The following INPP4B variants were observed in gnomAD, a reference collection of about 807,000 sequenced individuals.
INPP4B encodes inositol polyphosphate 4-phosphatase type II.
A neutral mutation model predicts 122.5 loss-of-function variants in INPP4B; 55 were observed. The ratio of observed to expected loss-of-function variants is 0.45; its 90% CI spans 0.36 to 0.56. The LOEUF is 0.56. INPP4B is among the 20% of genes least tolerant of loss of function. The probability of loss-of-function intolerance (pLI) is 0.00; values close to 1 mark genes in which losing one functional copy is unlikely to be tolerated. For missense variants in INPP4B, 1,000 were observed against 1,097.7 expected, an observed-to-expected ratio of 0.91 and a Z score of 1.26; for synonymous variants, 403 against 388.7, an observed-to-expected ratio of 1.04 and a Z score of -0.43.
intron 15 of INPP4B, among the ~76,000 whole-genome samples, chr4:142,189,030 T>C (rs927649859): frequency 2.0e-5 from 3 of 152,354 alleles, no homozygotes; most frequent in African/African-American, 4.8e-5. Flanking sequence ...TTGCCTGATA[T>C]GATTTTCCCC....
chr4:142,086,002 T>G (rs972449547), intron 24 of INPP4B, 142 bp downstream of exon 24: 3 of 652,226 alleles, frequency 4.6e-6, no homozygotes, highest in African/African-American at 1.9e-5. Flanking sequence ...CCAACAAGAG[T>G]AAAAATGCCT....
intron 1 of INPP4B, among the ~76,000 whole-genome samples, chr4:142,800,032 A>G (rs1328971347): frequency 6.6e-6 from 1 of 152,130 alleles, no homozygotes; most frequent in African/African-American, 2.4e-5. Context: ...CAATAAATTT[A>G]GACTATAGAA....
chr4:142,234,433 T>C (rs1395406391), intron 12 of INPP4B, among the ~76,000 whole-genome samples: 1 of 152,208 alleles, frequency 6.6e-6, no homozygotes, highest in African/African-American at 2.4e-5. Context: ...TCTCTTTGTA[T>C]AGATTTCTTA....
intron 1 of INPP4B, among the ~76,000 whole-genome samples, chr4:142,774,397 T>C (rs1242527975): frequency 6.6e-6 from 1 of 152,054 alleles, no homozygotes; most frequent in Non-Finnish European, 1.5e-5. Context: ...GGCAGGTGAG[T>C]TATATTTGGA....
chr4:142,606,493 C>T (rs1295748323), intron 2 of INPP4B, among the ~76,000 whole-genome samples: 1 of 151,822 alleles, frequency 6.6e-6, no homozygotes, highest in Non-Finnish European at 1.5e-5. Context: ...ACATTCTTTG[C>T]ATATAAAAAC....
chr4:142,215,876 G>A (rs1846933275), intron 12 of INPP4B, among the ~76,000 whole-genome samples: 1 of 91,204 alleles, frequency 1.1e-5, no homozygotes, highest in South Asian at 4.0e-4. Context: ...CTGGGCAACA[G>A]ACCAAGACTC....
chr4:142,737,619 A>C (rs938234194), intron 1 of INPP4B, among the ~76,000 whole-genome samples: 31 of 152,194 alleles, frequency 2.0e-4, no homozygotes, highest in Non-Finnish European at 4.0e-4. Flanking sequence ...AATGGGATCT[A>C]ATTAAACTAA....
At chr4:142,811,468 G>T (rs1779509186) in intron 1 of INPP4B, among the ~76,000 whole-genome samples, 1 of 152,166 alleles carries the variant, frequency 6.6e-6, no homozygotes, top group South Asian at 2.1e-4. Context: ...ACTTACTGTG[G>T]ATATCAATGG....
intron 25 of INPP4B, among the ~76,000 whole-genome samples, chr4:142,064,260 G>A (rs919396002): frequency 1.3e-5 from 2 of 152,102 alleles, no homozygotes; most frequent in Admixed American, 6.6e-5. Flanking sequence ...TGATACATTA[G>A]CAGCTTTTAA....
intron 2 of INPP4B, among the ~76,000 whole-genome samples, chr4:142,571,202 A>C (rs1325558898): frequency 1.7e-4 from 25 of 151,258 alleles, no homozygotes; most frequent in African/African-American, 6.1e-4. Context: ...TCCTGCCTTT[A>C]TTTTTCTCTT....
At chr4:142,689,700 G>A (rs1035271844) in intron 2 of INPP4B, among the ~76,000 whole-genome samples, 8 of 152,040 alleles carry the variant, frequency 5.3e-5, no homozygotes, top group Non-Finnish European at 1.0e-4. Context: ...TAAATGGATG[G>A]TATAAAATGA....
chr4:142,464,898 T>C (rs1442712898), intron 2 of INPP4B, among the ~76,000 whole-genome samples: 1 of 152,196 alleles, frequency 6.6e-6, no homozygotes, highest in Non-Finnish European at 1.5e-5. Context: ...TTGTGCTCTG[T>C]TGTACAGAGT....
chr4:142,666,601 C>T (rs1358263949), intron 2 of INPP4B, among the ~76,000 whole-genome samples: 1 of 151,966 alleles, frequency 6.6e-6, no homozygotes, highest in East Asian at 1.9e-4. Context: ...ATATTTAGCT[C>T]TTGAAAATTA....
chr4:142,588,315 A>G (rs1379149192), intron 2 of INPP4B, among the ~76,000 whole-genome samples: 3 of 151,852 alleles, frequency 2.0e-5, no homozygotes, highest in Non-Finnish European at 4.4e-5. Flanking sequence ...AAGGTAGAAA[A>G]TGGAAATAAA....
Position 142,353,799 on chromosome 4 carries a change from A to G in INPP4B, c.373-39037T>C, listed in dbSNP as rs574555022. Among the ~76,000 whole-genome samples, 26 of 152,104 alleles carry G rather than the reference A, an allele frequency of 1.7e-4. 1 individual carries two copies. Among genetic ancestry groups the G allele is most frequent in the Non-Finnish European group, 3.5e-4 (24 of 67,944 alleles). On this transcript the variant is annotated intron_variant, in intron 7 of 25. Coordinates refer to ENST00000262992, the MANE Select transcript of INPP4B (RefSeq NM_001101669.3). ...TTTGCAAATAGTATAGAGTTTGTTTATTTTAAAGTTGCACAGAATGCCATT... is the reference window on the plus strand; with the variant it reads ...TTTGCAAATAGTATAGAGTTTGTTTGTTTTAAAGTTGCACAGAATGCCATT...
chr4:142,694,797 C>T (rs1760792469), intron 2 of INPP4B, among the ~76,000 whole-genome samples: 1 of 152,122 alleles, frequency 6.6e-6, no homozygotes, highest in Admixed American at 6.5e-5. Flanking sequence ...AGCCTACAGC[C>T]CCTACACTTT....
intron 17 of INPP4B, 38 bp downstream of exon 17, chr4:142,160,320 C>A: frequency 6.9e-6 from 9 of 1,300,126 alleles, no homozygotes; most frequent in Non-Finnish European, 8.2e-6. Flanking sequence ...TTTCTCATTG[C>A]CAAACATTGA....
intron 2 of INPP4B, among the ~76,000 whole-genome samples, chr4:142,692,944 T>TAGATAGATAGATAGATAGAC (rs1560967798): frequency 5.3e-5 from 8 of 151,710 alleles, no homozygotes; most frequent in African/African-American, 1.9e-4. Context: ...GATACATAGA[T>TAGATAGATAGATAGATAGAC]ACATAGATAG....
chr4:142,536,757 A>G (rs916882690), intron 2 of INPP4B, among the ~76,000 whole-genome samples: 19 of 152,156 alleles, frequency 1.2e-4, no homozygotes, highest in African/African-American at 4.1e-4. Context: ...TTGACTCTAA[A>G]CGGGCAGAAT....
Sources: allele counts gnomAD v4.1 joint callset (sites outside exome capture counted in the v4.1 genomes callset), GRCh38; gene constraint gnomAD v4.1.1; transcripts MANE v1.5; gene names NCBI Gene and HGNC (gene_info 2026-07-23, HGNC 2026-07-21).